The following EVC2 variants were observed in gnomAD, a reference collection of about 807,000 sequenced individuals.
EVC2 encodes limbin.
Under a neutral mutation model 149.3 loss-of-function variants are expected in EVC2, and 148 were observed. The observed-to-expected ratio is 0.99, with a 90% CI of 0.87 to 1.14. The LOEUF is 1.14. Ranked by LOEUF, EVC2 falls within the 50% of genes most tolerant of loss-of-function variation. EVC2 has a pLI of 0.00. For synonymous variants in EVC2, 776 were observed against 649.9 expected, an observed-to-expected ratio of 1.19 and a Z score of -2.95; for missense variants, 1,854 against 1,627.3, an observed-to-expected ratio of 1.14 and a Z score of -2.40.
intron 7 of EVC2, among the ~76,000 whole-genome samples, chr4:5,678,190 T>C (rs1340969617): frequency 2.6e-5 from 4 of 152,194 alleles, no homozygotes; most frequent in Admixed American, 6.5e-5. Flanking sequence ...GTACAAACAG[T>C]GTGGCTTATG....
At chr4:5,665,989 C>T (rs374901663) in intron 7 of EVC2, among the ~76,000 whole-genome samples, 1 of 152,144 alleles carries the variant, frequency 6.6e-6, no homozygotes, top group Non-Finnish European at 1.5e-5. Flanking sequence ...ACTAGGGATC[C>T]GTGACATTTT....
intron 16 of EVC2, among the ~76,000 whole-genome samples, chr4:5,597,430 T>A (rs1326112551): frequency 7.0e-6 from 1 of 142,268 alleles, no homozygotes. Context: ...AATCAATAAA[T>A]GTAATCCAGC....
At chr4:5,708,216 T>A in intron 1 of EVC2, 70 bp downstream of exon 1, 1 of 1,334,324 alleles carries the variant, frequency 7.5e-7, no homozygotes, top group Non-Finnish European at 9.8e-7. Context: ...GGGTCCTCCC[T>A]GCCACCGCCG....
chr4:5,532,489 C>G, the EVC2 span, among the ~76,000 whole-genome samples: 2 of 152,158 alleles, frequency 1.3e-5, no homozygotes, highest in Non-Finnish European at 2.9e-5. Context: ...ACAGATACAA[C>G]AGACCCAAGA....
Position 5,625,892 on chromosome 4 carries a change from C to T in EVC2, c.1903G>A (p.Glu635Lys), listed in dbSNP as rs372260407. Residue 635 changes from glutamate to lysine, a missense_variant, in exon 13 of 22, where the codon GAA (glutamate) becomes AAA (lysine). By Grantham distance (56) the Glu-to-Lys change is moderately conservative (BLOSUM62 1). Coordinates refer to ENST00000344408, the MANE Select transcript of EVC2 (RefSeq NM_147127.5). The surrounding 1 kb of genome is among the most constrained non-coding windows in gnomAD (Gnocchi z 4.0). Reference sequence around the variant, plus strand: ...TCCAATAGCATTTCCATTTGGTCTTCATCCAGGTACCCTGCTCTAGATGGA... The same window carrying T: ...TCCAATAGCATTTCCATTTGGTCTTTATCCAGGTACCCTGCTCTAGATGGA... ...QKHERAGYLD[E>K]DQMEMLLERA... 2.8e-5 allele frequency: 45 copies of T among 1,614,062 alleles called. No homozygotes were observed. The African/African-American group carries it at 5.2e-4, about 19-fold the overall frequency.
rs906784370 is a variant in EVC2, at chr4:5,694,471, T to A, written c.314A>T (p.Lys105Met). The A allele has an allele frequency of 6.2e-7, 1 of 1,614,212 alleles. No homozygotes were observed. ...GAGTGGGATGAAGACTTCCATTTTC[T>A]TGTCCAATTTCATTCCAAGTGGTGC... is the stretch of plus-strand genomic sequence containing the variant. The part of the protein sequence containing the change: ...VEAPLGMKLD[K>M]KMEVFIPLST... The change falls in exon 3 of 22, where the codon AAG becomes ATG. Residue 105 changes from lysine to methionine, a missense_variant. By Grantham distance (95) the Lys-to-Met change is moderately conservative. Coordinates refer to ENST00000344408, the MANE Select transcript of EVC2 (RefSeq NM_147127.5).
At chr4:5,706,341 C>CATAGATAG (rs1378072049) in intron 1 of EVC2, among the ~76,000 whole-genome samples, 3 of 10,926 alleles carry the variant, frequency 2.7e-4, no homozygotes, top group Non-Finnish European at 5.3e-4. Flanking sequence ...TAGATAGATA[C>CATAGATAG]ATAGATAGAT....
the EVC2 span, among the ~76,000 whole-genome samples, chr4:5,535,601 A>G: frequency 1.9e-4 from 22 of 118,246 alleles, no homozygotes; most frequent in East Asian, 8.6e-4. This position sits in a 1 kb window ranked among gnomAD's most constrained non-coding sequence, Gnocchi z 4.7. Context: ...CATGCTTAGA[A>G]AGAGAGAGAG....
At chr4:5,654,827 G>A (rs1186593667) in intron 9 of EVC2, among the ~76,000 whole-genome samples, 1 of 152,198 alleles carries the variant, frequency 6.6e-6, no homozygotes, top group South Asian at 2.1e-4. Flanking sequence ...TGGGAACAGA[G>A]TGAGAAACAT....
intron 4 of EVC2, among the ~76,000 whole-genome samples, chr4:5,690,879 C>A (rs1721076800): frequency 6.6e-6 from 1 of 152,270 alleles, no homozygotes; most frequent in African/African-American, 2.4e-5. Context: ...CTGGAGACCC[C>A]TGACACAAGG....
intron 19 of EVC2, among the ~76,000 whole-genome samples, chr4:5,570,345 C>A (rs980110569): frequency 2.0e-5 from 3 of 152,190 alleles, no homozygotes; most frequent in African/African-American, 7.2e-5. Flanking sequence ...GGGGACAGGC[C>A]AGCTCATTAT....
chr4:5,563,221 C>T, intron 21 of EVC2, 106 bp from the exon 22 acceptor site: 1 of 1,106,330 alleles, frequency 9.0e-7, no homozygotes, highest in Non-Finnish European at 1.3e-6. Context: ...ATTCCCCAAC[C>T]CAGTGCCATT....
At chr4:5,562,078 T>C (rs920643714), downstream of EVC2, among the ~76,000 whole-genome samples, 1 of 152,190 alleles carries the variant, frequency 6.6e-6, no homozygotes. This position sits in a 1 kb window ranked among gnomAD's most constrained non-coding sequence, Gnocchi z 4.3. Flanking sequence ...AGCACTTGTA[T>C]GGAGTCTGTT....
chr4:5,689,224 G>T lies in EVC2; in HGVS notation c.639C>A (p.Thr213=). The T allele has an allele frequency of 6.2e-7, 1 of 1,614,214 alleles. No homozygotes were observed. The highest frequency in any genetic ancestry group is 8.5e-7 in the Non-Finnish European group (1 of 1,180,036). The part of the protein sequence containing the change: ...LLLLDSIAGL[T]IWDSVGNRTS... ...TCCTGTTTCCCACAGAGTCCCAAAT[G>T]GTGAGACCAGCAATGCTGTCCAGCA... is the stretch of plus-strand genomic sequence containing the variant. Residue 213 remains threonine (T), a synonymous_variant, in exon 5 of 22, where the codon ACC becomes ACA. Transcript: ENST00000344408.
chr4:5,673,570 C>CCG (rs1719802980), intron 7 of EVC2, among the ~76,000 whole-genome samples: 3 of 152,212 alleles, frequency 2.0e-5, no homozygotes, highest in Admixed American at 6.5e-5. Flanking sequence ...GGCTTCCCCC[C>CCG]CAGAGTCCTC....
Position 5,625,107 on chromosome 4 carries a change from C to T in EVC2, c.2046+642G>A, listed in dbSNP as rs762960573. On this transcript the variant is annotated intron_variant, in intron 13 of 21. Coordinates refer to ENST00000344408, the MANE Select transcript of EVC2 (RefSeq NM_147127.5). The surrounding 1 kb of genome is among the most constrained non-coding windows in gnomAD (Gnocchi z 4.0). ...ACAGATCTGATGTCTCTCTCACCTC[C>T]GGAAGACCCTTCAACATTCCCCACT... Among the ~76,000 whole-genome samples, 3 of 152,070 alleles carry T rather than the reference C, an allele frequency of 2.0e-5. No homozygotes were observed. Among genetic ancestry groups the T allele is most frequent in the Non-Finnish European group, 4.4e-5 (3 of 68,022 alleles).
chr4:5,554,084 G>A (rs529646945), intron 21 of EVC2, among the ~76,000 whole-genome samples: 116 of 152,200 alleles, frequency 7.6e-4, no homozygotes, highest in Non-Finnish European at 1.5e-3. Context: ...AAGGAAACAC[G>A]CCACTTCCAG....
At chr4:5,590,281 G>T (rs1016640542) in intron 16 of EVC2, among the ~76,000 whole-genome samples, 1 of 152,154 alleles carries the variant, frequency 6.6e-6, no homozygotes, top group Non-Finnish European at 1.5e-5. Context: ...ACAGGAAAAA[G>T]TTGAGTGATG....
intron 15 of EVC2, among the ~76,000 whole-genome samples, chr4:5,617,672 G>C (rs545714839): frequency 4.3e-4 from 65 of 152,318 alleles, no homozygotes; most frequent in African/African-American, 1.5e-3. Context: ...CTCAGGGAAG[G>C]CTTCCTAGTG....
Sources: gnomAD v4.1 joint callset for allele counts (sites outside exome capture counted in the v4.1 genomes callset) on GRCh38, gnomAD v4.1.1 for gene constraint, Gnocchi (gnomAD v3.1) non-coding constraint, MANE v1.5 for transcripts, NCBI Gene and HGNC (gene_info 2026-07-23, HGNC 2026-07-21) for gene names.